The following DDX43 variants were observed in gnomAD, a reference collection of about 807,000 sequenced individuals.
DDX43 encodes the protein probable ATP-dependent RNA helicase DDX43.
A neutral mutation model predicts 84.9 loss-of-function variants in DDX43; 50 were observed. That is an observed-to-expected ratio of 0.59 (90% CI 0.47 to 0.75). The LOEUF (loss-of-function observed/expected upper bound fraction) is 0.75, where lower values mean the gene tolerates loss of function less well. DDX43 is among the 30% of genes least tolerant of loss of function. The probability of loss-of-function intolerance (pLI) is 0.00; values close to 1 mark genes in which losing one functional copy is unlikely to be tolerated. For missense variants in DDX43, 689 were observed against 798.6 expected (o/e 0.86, Z 1.65); for synonymous variants, 291 against 266.3 (o/e 1.09, Z -0.90).
Position 73,415,575 on chromosome 6 carries a change from A to T in DDX43, c.1824A>T (p.Arg608Ser), listed in dbSNP as rs1167712799. ...VASELINILE[R>S]ANQSIPEELV... ...CTGAATTGATTAATATTCTGGAAAG[A>T]GCAAATCAGGTGAGACTATGCAATT... is the stretch of plus-strand genomic sequence containing the variant. The change falls in exon 15 of 17, where the codon AGA becomes AGT. Residue 608 changes from arginine (R) to serine (S), a missense_variant. Coordinates refer to ENST00000370336, the MANE Select transcript of DDX43 (RefSeq NM_018665.3). 1 of 1,610,178 alleles carries T rather than the reference A, an allele frequency of 6.2e-7. No homozygotes were observed. The highest frequency in any genetic ancestry group is 1.1e-5 in the South Asian group (1 of 90,882).
In DDX43 at chr6:73,407,824, G is replaced by T; in HGVS notation, c.1038-136G>T. 3.5e-6 allele frequency: 3 copies of T among 853,836 alleles called. No individual in the cohort carries two copies. The South Asian group carries it at 5.1e-5, about 15-fold the overall frequency. 52.9% of individuals were successfully genotyped at this position (853,836 alleles called of 1,614,324 possible). A position where few individuals can be genotyped will look rare whatever the true frequency, so the allele number is the denominator to read the frequency against. On this transcript the variant is annotated intron_variant, in intron 8 of 16. Transcript: ENST00000370336. ...AGGATACAACATTATGGATTGATGGGTGTACATAATTCTCAGAAAGGGGCA... is the reference window on the plus strand; with the variant it reads ...AGGATACAACATTATGGATTGATGGTTGTACATAATTCTCAGAAAGGGGCA...
intron 10 of DDX43, among the ~76,000 whole-genome samples, chr6:73,411,786 C>T (rs891291358): frequency 6.6e-6 from 1 of 151,932 alleles, no homozygotes; most frequent in Admixed American, 6.6e-5. Flanking sequence ...CAACCTCCGC[C>T]TCCTGGGCTC....
At chr6:73,411,529 A>C (rs1208699638) in intron 10 of DDX43, among the ~76,000 whole-genome samples, 2 of 151,526 alleles carry the variant, frequency 1.3e-5, no homozygotes, top group African/African-American at 4.9e-5. Flanking sequence ...GACTTTCCCC[A>C]TGTTGACCAG....
chr6:73,399,928 G>C (rs1381537251), intron 2 of DDX43, among the ~76,000 whole-genome samples: 1 of 152,152 alleles, frequency 6.6e-6, no homozygotes, highest in Non-Finnish European at 1.5e-5. Context: ...AATATTACCT[G>C]TCAGGTTAGT....
chr6:73,409,232 T>A lies in DDX43; in HGVS notation c.1180-16T>A, dbSNP rs773674527. The A allele has an allele frequency of 6.2e-7, 1 of 1,602,616 alleles. No individual in the cohort carries two copies. Among genetic ancestry groups the A allele is most frequent in the Admixed American group, 1.7e-5 (1 of 59,968 alleles). Reference sequence around the variant, plus strand: ...TCCCATATCTAATCTAACCACATTCTTTTTTGTCAATGCAGGTTTTAGATG... The same window carrying A: ...TCCCATATCTAATCTAACCACATTCATTTTTGTCAATGCAGGTTTTAGATG... On this transcript the variant is annotated splice_polypyrimidine_tract_variant and intron_variant, in intron 9 of 16. Coordinates refer to ENST00000370336, the MANE Select transcript of DDX43 (RefSeq NM_018665.3).
At chr6:73,404,260 A>AT (rs1392368678) in intron 4 of DDX43, among the ~76,000 whole-genome samples, 2 of 146,222 alleles carry the variant, frequency 1.4e-5, no homozygotes, top group Non-Finnish European at 3.0e-5. Flanking sequence ...GAATTTTTGT[A>AT]TTTTTTTGTT....
chr6:73,404,831 C>T, intron 5 of DDX43, 60 bp downstream of exon 5: 4 of 1,266,456 alleles, frequency 3.2e-6, no homozygotes, highest in East Asian at 2.4e-5. Context: ...TTGGTATTAA[C>T]ACTTCGGGCA....
chr6:73,400,420 A>G (rs547564467), intron 3 of DDX43, 57 bp downstream of exon 3: 1 of 1,463,938 alleles, frequency 6.8e-7, no homozygotes, highest in East Asian at 2.4e-5. Context: ...ATTCAGTGTT[A>G]TAAGCCATTA....
At chr6:73,395,315 T>C (rs1769444022) in intron 1 of DDX43, among the ~76,000 whole-genome samples, 160 bp downstream of exon 1, 1 of 152,138 alleles carries the variant, frequency 6.6e-6, no homozygotes, top group South Asian at 2.1e-4. Context: ...TAGAGTATAA[T>C]TTAATCTGGC....
chr6:73,412,671 G>A (rs1227283543), intron 11 of DDX43, among the ~76,000 whole-genome samples: 2 of 98,984 alleles, frequency 2.0e-5, no homozygotes, highest in Admixed American at 9.4e-5. Context: ...GTGTGTGTGC[G>A]CGCGCGCGTG....
At chr6:73,400,045 A>G (rs1769536285) in intron 2 of DDX43, among the ~76,000 whole-genome samples, 189 bp from the exon 3 acceptor site, 2 of 152,224 alleles carry the variant, frequency 1.3e-5, no homozygotes, top group East Asian at 3.8e-4. Flanking sequence ...GGTAAATCCC[A>G]GAGTAAATAT....
intron 11 of DDX43, among the ~76,000 whole-genome samples, chr6:73,412,662 T>TGC (rs1457611568): frequency 2.0e-4 from 17 of 86,678 alleles, no homozygotes; most frequent in Non-Finnish European, 2.9e-4. Context: ...TGTGTGTGTG[T>TGC]GTGTGTGCGC....
chr6:73,407,717 A>G (rs895658197), intron 8 of DDX43, 102 bp downstream of exon 8: 2 of 891,614 alleles, frequency 2.2e-6, no homozygotes, highest in African/African-American at 1.7e-5. Flanking sequence ...GAGAATCCAA[A>G]TGGCTCAGCA....
chr6:73,396,794 A>G (rs1235506748), intron 1 of DDX43, among the ~76,000 whole-genome samples: 1 of 152,194 alleles, frequency 6.6e-6, no homozygotes, highest in African/African-American at 2.4e-5. Context: ...TACTTTAGGT[A>G]ATCCATATAA....
intron 6 of DDX43, 123 bp downstream of exon 6, chr6:73,405,958 T>C (rs1769671203): frequency 3.3e-6 from 3 of 903,324 alleles, no homozygotes; most frequent in African/African-American, 3.4e-5. Context: ...CTCCCTAGAG[T>C]TCAAAAAATC....
At chr6:73,397,658 T>C (rs375855258) in intron 1 of DDX43, 31 bp from the exon 2 acceptor site, 129 of 1,553,620 alleles carry the variant, frequency 8.3e-5, no homozygotes, top group Non-Finnish European at 1.0e-4. Context: ...TTTCAACTTA[T>C]AACAATATAT....
At chr6:73,405,509 CA>C (rs1769659399) in intron 5 of DDX43, among the ~76,000 whole-genome samples, 169 bp from the exon 6 acceptor site, 1 of 152,148 alleles carries the variant, frequency 6.6e-6, no homozygotes, top group Non-Finnish European at 1.5e-5. Flanking sequence ...AGATAAGAGA[CA>C]GATGGACTCC....
intron 11 of DDX43, among the ~76,000 whole-genome samples, chr6:73,412,728 C>CGT (rs35713525): frequency 0.026 from 3,132 of 118,868 alleles, 217 homozygotes; most frequent in East Asian, 0.16. Flanking sequence ...TGATATATAG[C>CGT]GTGTGTGTGT....
chr6:73,412,666 T>TGTGTGTGC (rs1554236148), intron 11 of DDX43, among the ~76,000 whole-genome samples: 9 of 84,300 alleles, frequency 1.1e-4, no homozygotes, highest in Non-Finnish European at 2.2e-4. Flanking sequence ...TGTGTGTGTG[T>TGTGTGTGC]GTGCGCGCGC....
Sources: gnomAD v4.1 joint callset for allele counts (sites outside exome capture counted in the v4.1 genomes callset) on GRCh38, gnomAD v4.1.1 for gene constraint, MANE v1.5 for transcripts, NCBI Gene and HGNC (gene_info 2026-07-23, HGNC 2026-07-21) for gene names.